Variants in EMX1 observed in about 807,000 individuals in gnomAD.
The protein encoded by EMX1 is empty spiracles homeobox 1, also known as homeobox protein EMX1.
Under a neutral mutation model 20.1 loss-of-function variants are expected in EMX1, and 10 were observed. The ratio of observed to expected loss-of-function variants is 0.50; its 90% CI spans 0.31 to 0.84. EMX1 has a LOEUF of 0.84. Ranked by LOEUF, EMX1 falls within the 40% of genes least tolerant of loss-of-function variation. The probability of loss-of-function intolerance (pLI) is 0.05; values close to 1 mark genes in which losing one functional copy is unlikely to be tolerated. For synonymous variants in EMX1, 250 were observed against 200.4 expected (o/e 1.25, Z -2.09); for missense variants, 424 against 431.9 (o/e 0.98, Z 0.16).
upstream of EMX1, chr2:72,916,702 G>C (rs1404659389): frequency 2.0e-5 from 14 of 717,300 alleles, no homozygotes; most frequent in East Asian, 1.3e-4. Flanking sequence ...GGGCTACTTG[G>C]CCAGCTTCAA....
At chr2:72,925,066 G>A (rs957258478) in intron 2 of EMX1, among the ~76,000 whole-genome samples, 1 of 152,224 alleles carries the variant, frequency 6.6e-6, no homozygotes, top group African/African-American at 2.4e-5. Context: ...GCCAGCCCCT[G>A]CTTGGGGCCC....
chr2:72,927,973 G>A (rs1181805131), intron 2 of EMX1, among the ~76,000 whole-genome samples: 1 of 152,144 alleles, frequency 6.6e-6, no homozygotes, highest in Non-Finnish European at 1.5e-5. Context: ...ATACCAGTTT[G>A]TGGATAAAAC....
chr2:72,924,414 G>T lies in EMX1; in HGVS notation c.626G>T (p.Arg209Leu). The T allele has an allele frequency of 6.3e-7, 1 of 1,594,024 alleles. No homozygotes were observed. Residue 209 changes from arginine (R) to leucine (L), a missense_variant, in exon 2 of 3, where the codon CGC becomes CTC. Arg to Leu is a moderately radical substitution (Grantham distance 102). Transcript: ENST00000258106. ...CCCTCGCAGCTGCTGCGGCTGGAGC[G>T]CGCCTTCGAGAAGAACCACTACGTG... ...FSPSQLLRLE[R>L]AFEKNHYVVG...
intron 2 of EMX1, chr2:72,925,401 C>T (rs180966536): frequency 1.6e-6 from 2 of 1,244,542 alleles, no homozygotes; most frequent in Admixed American, 2.5e-5. Flanking sequence ...TAAATAAATG[C>T]TGCCTGGGAT....
Position 72,933,939 on chromosome 2 carries a change from C to A in EMX1, c.858C>A (p.Val286=). Residue 286 remains valine (V), a synonymous_variant, in exon 3 of 3, where the codon GTC becomes GTA. Transcript: ENST00000258106. ...AGGCCAATGGGGAGGACATCGATGT[C>A]ACCTCCAATGACTAGGGTGGGCAAC... ...TKQANGEDID[V]TSND is the part of the protein sequence containing the mutation. 3 of 1,614,272 alleles carry A rather than the reference C, an allele frequency of 1.9e-6. No homozygotes were observed. Among genetic ancestry groups the A allele is most frequent in the Non-Finnish European group, 2.5e-6 (3 of 1,180,048 alleles).
chr2:72,917,336 G>A (rs1670982050), upstream of EMX1: 2 of 408,942 alleles, frequency 4.9e-6, no homozygotes, highest in South Asian at 5.0e-5. Context: ...GCGGAGTCGC[G>A]AGGAGAAGCC....
At position 72,930,748 on chromosome 2, in the gene EMX1, A is replaced by G. The variant is rs1431341483; in HGVS notation, c.706-3039A>G. On this transcript the variant is annotated intron_variant, in intron 2 of 2. Transcript: ENST00000258106. This position sits in a 1 kb window ranked among gnomAD's most constrained non-coding sequence, Gnocchi z 4.4. ...GTTGCCTGGCTGGGTTGGAGAGGTC[A>G]TGAAATGTCACTCTCATCTCCTAAT... Among the ~76,000 whole-genome samples the G allele has an allele frequency of 3.9e-5, 6 of 152,206 alleles. No individual in the cohort carries two copies. The East Asian group carries it at 1.2e-3, about 29-fold the overall frequency.
chr2:72,920,158 G>T (rs1340326616), intron 1 of EMX1, among the ~76,000 whole-genome samples: 1 of 152,214 alleles, frequency 6.6e-6, no homozygotes, highest in Non-Finnish European at 1.5e-5. Flanking sequence ...CCGCACCGCG[G>T]TTCCTGCCTC....
chr2:72,925,889 T>C (rs1671193103), intron 2 of EMX1: 1 of 985,336 alleles, frequency 1.0e-6, no homozygotes, highest in African/African-American at 1.7e-5. Context: ...TCAGATGTAC[T>C]AGCTGGGCTG....
chr2:72,927,916 T>A (rs1336321300), intron 2 of EMX1, among the ~76,000 whole-genome samples: 1 of 152,248 alleles, frequency 6.6e-6, no homozygotes, highest in Non-Finnish European at 1.5e-5. Flanking sequence ...TCTCCTTCTA[T>A]CTTTCCCTTG....
rs1670993069 is a variant in EMX1, at chr2:72,917,737, GGCCGGACCCCGCGGTCGCTC to G, written c.-113_-94del. ...GCCGCCGCGCCTGGCCGTACGCTGT[GGCCGGACCCCGCGGTCGCTC>G]GCTCACACACCCCTCGCCGCTCCGC... On this transcript the variant is annotated 5_prime_UTR_variant, in exon 1 of 3. Coordinates refer to ENST00000258106, the MANE Select transcript of EMX1 (RefSeq NM_004097.3). The G allele has an allele frequency of 9.7e-7, 1 of 1,026,882 alleles. No homozygotes were observed. Among genetic ancestry groups the G allele is most frequent in the Non-Finnish European group, 1.2e-6 (1 of 813,678 alleles). 63.6% of individuals were successfully genotyped at this position (1,026,882 alleles called of 1,614,324 possible).
chr2:72,925,684 G>C, intron 2 of EMX1: 2 of 1,172,994 alleles, frequency 1.7e-6, no homozygotes, highest in Non-Finnish European at 2.1e-6. Flanking sequence ...GGCAGCCGGA[G>C]CCTCCCTTTA....
At chr2:72,916,909 C>G (rs1467694918), upstream of EMX1, 1 of 717,384 alleles carries the variant, frequency 1.4e-6, no homozygotes, top group South Asian at 1.5e-5. Flanking sequence ...GCAGTGGGAC[C>G]GCTCCGGCGG....
At chr2:72,919,180 T>TACACACACACAC (rs70963149) in intron 1 of EMX1, among the ~76,000 whole-genome samples, 230 of 142,610 alleles carry the variant, frequency 1.6e-3, no homozygotes, top group African/African-American at 4.2e-3. Context: ...CCACTGGCCC[T>TACACACACACAC]ACACACACAC....
At chr2:72,918,879 G>A (rs898220201) in intron 1 of EMX1, among the ~76,000 whole-genome samples, 5 of 152,212 alleles carry the variant, frequency 3.3e-5, no homozygotes, top group Non-Finnish European at 5.9e-5. Context: ...AGGGCGAATC[G>A]GAGAGTTAAT....
Position 72,917,711 on chromosome 2 carries a change from A to C in EMX1, c.-142A>C, listed in dbSNP as rs541766428. 290 of 794,052 alleles carry C rather than the reference A, an allele frequency of 3.7e-4. No individual in the cohort carries two copies. In the African/African-American group the frequency reaches 4.7e-3, roughly 13 times the overall value. The allele number at this position is 794,052 out of a possible 1,614,324, so 49.2% of individuals were successfully genotyped here. A position where few individuals can be genotyped will look rare whatever the true frequency, so the allele number is the denominator to read the frequency against. The stretch of plus-strand genomic sequence containing the variant: ...CTGGAGCTGCCCGCTCCGCCGCAGC[A>C]GCCGCCGCGCCTGGCCGTACGCTGT... On this transcript the variant is annotated 5_prime_UTR_variant, in exon 1 of 3. Transcript: ENST00000258106.
rs1314548752 is a variant in EMX1, at chr2:72,934,606, T to G, written c.*652T>G. The G allele has an allele frequency of 1.3e-5, 2 of 152,480 alleles. No homozygotes were observed. The highest frequency in any genetic ancestry group is 3.9e-4 in the East Asian group (2 of 5,168). The allele number at this position is 152,480 out of a possible 1,614,324, so 9.4% of individuals were successfully genotyped here. ...CTTGAGGGAGGACAGGCCCAGGTCT[T>G]TCTTAACGTATTGAGAGGTGGGAAT... is the stretch of plus-strand genomic sequence containing the variant. On this transcript the variant is annotated 3_prime_UTR_variant, in exon 3 of 3. Transcript: ENST00000258106.
chr2:72,926,136 T>A (rs1430856266), intron 2 of EMX1: 7 of 985,166 alleles, frequency 7.1e-6, no homozygotes, highest in Non-Finnish European at 8.4e-6. Flanking sequence ...ACAAAAATGG[T>A]TTTTAATCCT....
Position 72,918,470 on chromosome 2 carries a change from A to C in EMX1, c.520+98A>C, listed in dbSNP as rs1671037773. On this transcript the variant is annotated intron_variant, in intron 1 of 2. Transcript: ENST00000258106. ...GGGCGCGCGGGGCTGTTTAGAAGTT[A>C]CTGCCGGGAAGGCTGCAGGTCCGCG... is the stretch of plus-strand genomic sequence containing the variant. 15 of 1,314,212 alleles carry C rather than the reference A, an allele frequency of 1.1e-5. No homozygotes were observed. In the South Asian group the frequency reaches 1.4e-4, roughly 13 times the overall value. 81.4% of individuals were successfully genotyped at this position (1,314,212 alleles called of 1,614,324 possible).
Sources: allele counts gnomAD v4.1 joint callset (sites outside exome capture counted in the v4.1 genomes callset), GRCh38; gene constraint gnomAD v4.1.1; non-coding constraint Gnocchi (gnomAD v3.1); transcripts MANE v1.5; gene names NCBI Gene and HGNC (gene_info 2026-07-23, HGNC 2026-07-21).